The following ADGRG6 variants were observed in gnomAD, a reference collection of about 807,000 sequenced individuals.
ADGRG6 encodes adhesion G protein-coupled receptor G6, also known as G-protein coupled receptor 126.
In ADGRG6, 84 loss-of-function variants were observed where a neutral mutation model predicts 142.4. That is an observed-to-expected ratio of 0.59 (90% CI 0.49 to 0.71). The LOEUF (loss-of-function observed/expected upper bound fraction) is 0.71. ADGRG6 is among the 30% of genes least tolerant of loss of function. ADGRG6 has a pLI of 0.00. For synonymous variants in ADGRG6, 521 were observed against 520.5 expected, an observed-to-expected ratio of 1.00 and a Z score of -0.01; for missense variants, 1,367 against 1,466.6, an observed-to-expected ratio of 0.93 and a Z score of 1.11.
chr6:142,369,631 G>T (rs899868685), intron 3 of ADGRG6, among the ~76,000 whole-genome samples: 1 of 152,064 alleles, frequency 6.6e-6, no homozygotes, highest in African/African-American at 2.4e-5. Context: ...TTTTGCATTT[G>T]TTCCTAAAAC....
chr6:142,393,746 TTTCTGAAA>T, intron 8 of ADGRG6, 142 bp from the exon 9 acceptor site: 1 of 582,974 alleles, frequency 1.7e-6, no homozygotes, highest in Non-Finnish European at 3.1e-6. Flanking sequence ...GTTGCCTAGC[TTTCTGAAA>T]GAAGCTAGAA....
chr6:142,442,050 T>A (rs1199692944), intron 24 of ADGRG6, among the ~76,000 whole-genome samples: 1 of 152,196 alleles, frequency 6.6e-6, no homozygotes, highest in African/African-American at 2.4e-5. Flanking sequence ...ATTTGAATAG[T>A]TTCCAAAGAC....
intron 2 of ADGRG6, among the ~76,000 whole-genome samples, chr6:142,322,904 A>G (rs1778585394): frequency 6.6e-6 from 1 of 152,168 alleles, no homozygotes; most frequent in Non-Finnish European, 1.5e-5. Flanking sequence ...AATATAAAGC[A>G]TGAACCAGAA....
chr6:142,436,669 A>G (rs2115188464), intron 22 of ADGRG6, among the ~76,000 whole-genome samples: 1 of 152,328 alleles, frequency 6.6e-6, no homozygotes, highest in East Asian at 1.9e-4. Context: ...AAGTTAATGG[A>G]CATAACCAAG....
In ADGRG6 at chr6:142,302,206, G is replaced by A; in HGVS notation, c.-124G>A. 9.3e-7 allele frequency: 1 copy of A among 1,079,908 alleles called. No individual in the cohort carries two copies. The highest frequency in any genetic ancestry group is 1.3e-6 in the Non-Finnish European group (1 of 749,916). 66.9% of individuals were successfully genotyped at this position (1,079,908 alleles called of 1,614,324 possible). On this transcript the variant is annotated 5_prime_UTR_variant, in exon 1 of 25. Coordinates refer to ENST00000367609, the MANE Select transcript of ADGRG6 (RefSeq NM_198569.3). ...ACTCTCCAGAAACGGCGTAAAGGAGGGTCCCGCCGCGGCGCAGGGCTGGGG... is the reference window on the plus strand; with the variant it reads ...ACTCTCCAGAAACGGCGTAAAGGAGAGTCCCGCCGCGGCGCAGGGCTGGGG...
intron 22 of ADGRG6, among the ~76,000 whole-genome samples, chr6:142,425,961 G>A (rs1039270167): frequency 2.0e-5 from 3 of 152,106 alleles, no homozygotes; most frequent in African/African-American, 7.2e-5. Flanking sequence ...GGAAAGACTT[G>A]CCCCCATAAT....
intron 4 of ADGRG6, among the ~76,000 whole-genome samples, chr6:142,371,484 GTTT>G (rs1273994234): frequency 1.3e-4 from 12 of 93,214 alleles, no homozygotes; most frequent in Non-Finnish European, 2.1e-4. Flanking sequence ...GTTTTTTTTT[GTTT>G]TTTTTTTTTT....
rs373346856 is a variant in ADGRG6 at position 142,400,589 on chromosome 6, C to T, written c.1672C>T (p.Arg558Trp). 2.8e-4 allele frequency: 432 copies of T among 1,533,780 alleles called. 1 individual carries two copies. The highest frequency in any genetic ancestry group is 4.2e-4 in the Admixed American group (25 of 59,612). ...AGACAAGCCTGGCTTTTCTGCTTCT[C>T]GGATATGGTAATATTTTCACTGACT... ...CPDKPGFSAS[R>W]ICFYNATNPL... The change falls in exon 11 of 25, where the codon CGG becomes TGG. Residue 558 changes from arginine to tryptophan, a missense_variant. Around this residue, in one of 3 missense-constraint regions of ADGRG6, gnomAD observed 737 missense variants for 746.5 expected, o/e 0.99. Transcript: ENST00000367609.
Position 142,428,212 on chromosome 6 carries a change from T to C in ADGRG6, c.3319+8108T>C, listed in dbSNP as rs530671427. Among the ~76,000 whole-genome samples the C allele has an allele frequency of 3.9e-5, 6 of 152,292 alleles. No homozygotes were observed. The South Asian group carries it at 1.2e-3, about 32-fold the overall frequency. On this transcript the variant is annotated intron_variant, in intron 22 of 24. Transcript: ENST00000367609. ...TGAAGAGTCTATCTATAAAATTTTA[T>C]ATATGCTTTATTTTTATTTTTTATT...
At chr6:142,391,012 G>A (rs1399312049) in intron 7 of ADGRG6, among the ~76,000 whole-genome samples, 2 of 151,520 alleles carry the variant, frequency 1.3e-5, no homozygotes, top group Non-Finnish European at 3.0e-5. Context: ...TTCATTATGT[G>A]GCTGTTCAGT....
intron 2 of ADGRG6, among the ~76,000 whole-genome samples, chr6:142,351,812 C>A (rs936236912): frequency 1.3e-5 from 2 of 152,088 alleles, no homozygotes; most frequent in African/African-American, 2.4e-5. Context: ...GGTCAAATAT[C>A]CAGGATCTAT....
chr6:142,406,062 C>T (rs1775788434), intron 15 of ADGRG6, among the ~76,000 whole-genome samples: 1 of 152,030 alleles, frequency 6.6e-6, no homozygotes, highest in Non-Finnish European at 1.5e-5. Flanking sequence ...TAGGCTAAGG[C>T]TTGCATTAAA....
rs1562328892 is a variant in ADGRG6, at chr6:142,348,811, A to G, written c.104-18758A>G. On this transcript the variant is annotated intron_variant, in intron 2 of 24. Coordinates refer to ENST00000367609, the MANE Select transcript of ADGRG6 (RefSeq NM_198569.3). ...TTATCTGGAAAGTTCTGCATTCCAA[A>G]TATGTTAAGAAAACATGGTGATCTT... 2.0e-5 allele frequency among the ~76,000 whole-genome samples: 3 copies of G among 152,346 alleles called. No individual in the cohort carries two copies. In the East Asian group the frequency reaches 5.8e-4, roughly 29 times the overall value.
chr6:142,320,716 T>A (rs996637559), intron 2 of ADGRG6, among the ~76,000 whole-genome samples: 5 of 152,096 alleles, frequency 3.3e-5, no homozygotes, highest in Non-Finnish European at 5.9e-5. Context: ...TTTTTCTGGT[T>A]TCATAGCCCA....
At chr6:142,358,713 T>G (rs1387268507) in intron 2 of ADGRG6, among the ~76,000 whole-genome samples, 1 of 152,014 alleles carries the variant, frequency 6.6e-6, no homozygotes, top group East Asian at 1.9e-4. Flanking sequence ...GAGACCAGCC[T>G]GACCAACATG....
chr6:142,399,156 G>A (rs181821558), intron 10 of ADGRG6, among the ~76,000 whole-genome samples: 5 of 152,204 alleles, frequency 3.3e-5, no homozygotes, highest in East Asian at 1.9e-4. Flanking sequence ...TTGACCCTTC[G>A]CCTTCTCTAC....
At chr6:142,326,482 C>T (rs1041351190) in intron 2 of ADGRG6, among the ~76,000 whole-genome samples, 2 of 149,754 alleles carry the variant, frequency 1.3e-5, no homozygotes, top group Non-Finnish European at 3.0e-5. Flanking sequence ...TTACAATATA[C>T]AATAGTGATC....
intron 22 of ADGRG6, among the ~76,000 whole-genome samples, chr6:142,422,301 C>T (rs1360285466): frequency 1.3e-5 from 2 of 152,058 alleles, no homozygotes; most frequent in African/African-American, 2.4e-5. Context: ...TCTCCCAATG[C>T]TATCCCTCCC....
At chr6:142,394,085 G>A (rs771678209) in intron 9 of ADGRG6, 127 bp downstream of exon 9, 2 of 650,768 alleles carry the variant, frequency 3.1e-6, no homozygotes, top group Non-Finnish European at 5.5e-6. Context: ...TATTTCTTTA[G>A]CACTGCTGTA....
Sources: allele counts gnomAD v4.1 joint callset (sites outside exome capture counted in the v4.1 genomes callset), GRCh38; gene constraint gnomAD v4.1.1; regional missense constraint gnomAD v4.1.1; transcripts MANE v1.5; gene names NCBI Gene and HGNC (gene_info 2026-07-23, HGNC 2026-07-21).